DCLK1: variants seen among roughly 807,000 people sequenced by gnomAD.
The protein encoded by DCLK1 is doublecortin like kinase 1, also known as serine/threonine-protein kinase DCLK1.
DCLK1 carries 16 observed loss-of-function variants against 86.2 expected under a neutral mutation model. The observed-to-expected ratio is 0.19, with a 90% CI of 0.13 to 0.28. DCLK1 has a LOEUF of 0.28. Ranked by LOEUF, DCLK1 falls within the 10% of genes least tolerant of loss-of-function variation. The probability of loss-of-function intolerance (pLI) is 1.00; values close to 1 mark genes in which losing one functional copy is unlikely to be tolerated. For synonymous variants in DCLK1, 369 were observed against 370.5 expected (o/e 1.00, Z 0.05); for missense variants, 590 against 940.2 (o/e 0.63, Z 4.87).
At chr13:35,959,417 T>C (rs1878327222) in intron 3 of DCLK1, among the ~76,000 whole-genome samples, 1 of 151,894 alleles carries the variant, frequency 6.6e-6, no homozygotes, top group African/African-American at 2.4e-5. Context: ...CAGTAGGAAA[T>C]TGATGGGGAC....
rs141176885 is a variant in DCLK1 at position 35,810,773 on chromosome 13, T to A, written c.1688+62A>T. 2.1e-4 allele frequency: 330 copies of A among 1,586,124 alleles called. 1 individual carries two copies. The African/African-American group carries it at 4.0e-3, about 19-fold the overall frequency. On this transcript the variant is annotated intron_variant, in intron 12 of 16. Transcript: ENST00000360631. ...TAGGGCACAGCAGTACTATTTTTCC[T>A]ATTCTCGAAGCGGGCTAGTTCTTTT...
At chr13:36,069,722 G>A (rs1290780376) in intron 3 of DCLK1, among the ~76,000 whole-genome samples, 2 of 152,074 alleles carry the variant, frequency 1.3e-5, no homozygotes, top group African/African-American at 4.8e-5. Flanking sequence ...GTGTTGCTTT[G>A]GAATTGCCTC....
At chr13:35,956,966 T>C (rs769155886) in intron 3 of DCLK1, among the ~76,000 whole-genome samples, 1 of 152,144 alleles carries the variant, frequency 6.6e-6, no homozygotes, top group Non-Finnish European at 1.5e-5. Flanking sequence ...CAAATAACTA[T>C]ACCTTCAAAA....
At chr13:36,070,814 T>C (rs1883947062) in intron 3 of DCLK1, among the ~76,000 whole-genome samples, 1 of 152,102 alleles carries the variant, frequency 6.6e-6, no homozygotes, top group Admixed American at 6.5e-5. Flanking sequence ...GCTAATTTTT[T>C]GTATTTTTAG....
intron 3 of DCLK1, among the ~76,000 whole-genome samples, chr13:36,029,229 T>C (rs1882168901): frequency 6.6e-6 from 1 of 152,158 alleles, no homozygotes; most frequent in African/African-American, 2.4e-5. Context: ...AGGAATCACT[T>C]CCCTGACCTC....
At position 36,045,330 on chromosome 13, in the gene DCLK1, G is replaced by GTA. The variant is rs1316034070; in HGVS notation, c.723+66538_723+66539insTA. ...TATATGTCTATATATGTGTGTGTGT[G>GTA]TGTATATATATATATATATATATAT... On this transcript the variant is annotated intron_variant, in intron 3 of 16. Coordinates refer to ENST00000360631, the MANE Select transcript of DCLK1 (RefSeq NM_001330071.2). 1.0e-2 allele frequency among the ~76,000 whole-genome samples: 563 copies of GTA among 56,470 alleles called. 3 individuals carry two copies. Among genetic ancestry groups the GTA allele is most frequent in the East Asian group, 0.03 (33 of 1,094 alleles). The allele number at this position is 56,470 out of a possible 152,430, so 37.0% of individuals were successfully genotyped here.
chr13:35,986,465 G>A (rs1027362267), intron 3 of DCLK1, among the ~76,000 whole-genome samples: 12 of 152,122 alleles, frequency 7.9e-5, no homozygotes, highest in African/African-American at 2.9e-4. Flanking sequence ...TCATGGGTCT[G>A]TGTTTGACTT....
At chr13:35,829,156 T>C (rs1347438272) in intron 8 of DCLK1, among the ~76,000 whole-genome samples, 1 of 152,182 alleles carries the variant, frequency 6.6e-6, no homozygotes, top group Admixed American at 6.5e-5. Context: ...GCTCCCTGCA[T>C]AGCACAGTGA....
At chr13:36,068,621 TA>T (rs1226624106) in intron 3 of DCLK1, among the ~76,000 whole-genome samples, 1 of 152,088 alleles carries the variant, frequency 6.6e-6, no homozygotes, top group African/African-American at 2.4e-5. Flanking sequence ...ATTTAATAAC[TA>T]GTTAATCTGA....
intron 2 of DCLK1, among the ~76,000 whole-genome samples, chr13:36,122,094 G>T (rs1886012263): frequency 6.6e-6 from 1 of 152,276 alleles, no homozygotes; most frequent in Middle Eastern, 3.4e-3. Context: ...CATAGAGAAA[G>T]CCAGTGAAAT....
intron 15 of DCLK1, among the ~76,000 whole-genome samples, chr13:35,795,060 G>A (rs1000476845): frequency 6.6e-6 from 1 of 152,314 alleles, no homozygotes; most frequent in African/African-American, 2.4e-5. Context: ...CTGTTACAAG[G>A]CTGCATGGCT....
chr13:36,013,933 C>T (rs1439096205), intron 3 of DCLK1, among the ~76,000 whole-genome samples: 6 of 152,180 alleles, frequency 3.9e-5, no homozygotes, highest in Non-Finnish European at 5.9e-5. Flanking sequence ...TCTCGTGGTG[C>T]GCTGTTTTTT....
chr13:35,793,360 G>A lies in DCLK1; in HGVS notation c.2058+6C>T. On this transcript the variant is annotated splice_donor_region_variant and intron_variant, in intron 16 of 16. Transcript: ENST00000360631. The stretch of plus-strand genomic sequence containing the variant: ...AAAGTTATAGGTGGATATTTCAGAT[G>A]CTTACTGCTATGACAGAAACTCCAG... The A allele has an allele frequency of 6.2e-7, 1 of 1,600,622 alleles. No individual in the cohort carries two copies. The highest frequency in any genetic ancestry group is 8.5e-7 in the Non-Finnish European group (1 of 1,174,040).
At chr13:36,112,955 T>G (rs1239099862) in intron 2 of DCLK1, among the ~76,000 whole-genome samples, 3 of 152,206 alleles carry the variant, frequency 2.0e-5, no homozygotes, top group South Asian at 2.1e-4. Flanking sequence ...ATTAAGTAGA[T>G]GTAGATCACA....
At chr13:35,832,892 A>G (rs1192156762) in intron 8 of DCLK1, among the ~76,000 whole-genome samples, 1 of 152,232 alleles carries the variant, frequency 6.6e-6, no homozygotes, top group East Asian at 1.9e-4. Context: ...AGCCAAGAGC[A>G]GTGATCTAAG....
chr13:35,945,067 A>C (rs1469101689), intron 4 of DCLK1, among the ~76,000 whole-genome samples: 1 of 151,842 alleles, frequency 6.6e-6, no homozygotes, highest in Non-Finnish European at 1.5e-5. Context: ...TGCCTGGCTA[A>C]TTTTGTATTT....
chr13:35,795,086 A>T (rs1033677618), intron 15 of DCLK1, among the ~76,000 whole-genome samples: 4 of 152,216 alleles, frequency 2.6e-5, no homozygotes, highest in Non-Finnish European at 5.9e-5. Flanking sequence ...GCTCAGCTAG[A>T]TTCACCAAAG....
chr13:35,826,559 GAAACA>G (rs1412488640), intron 10 of DCLK1, among the ~76,000 whole-genome samples: 1,124 of 42,934 alleles, frequency 0.026, 184 homozygotes, highest in Non-Finnish European at 0.041. Context: ...AAGAAAGAAA[GAAACA>G]AGTCCTAATT....
At chr13:36,061,918 G>T (rs971780776) in intron 3 of DCLK1, among the ~76,000 whole-genome samples, 1 of 152,082 alleles carries the variant, frequency 6.6e-6, no homozygotes, top group Non-Finnish European at 1.5e-5. Flanking sequence ...TACCACTGAA[G>T]TCACCACAAC....
Sources: gnomAD v4.1 joint callset for allele counts (sites outside exome capture counted in the v4.1 genomes callset) on GRCh38, gnomAD v4.1.1 for gene constraint, MANE v1.5 for transcripts, NCBI Gene and HGNC (gene_info 2026-07-23, HGNC 2026-07-21) for gene names.